The following IKZF2 variants were observed in gnomAD, a reference collection of about 807,000 sequenced individuals.
IKZF2 encodes the protein zinc finger protein Helios.
A neutral mutation model predicts 49.2 loss-of-function variants in IKZF2; 15 were observed. That is an observed-to-expected ratio of 0.30 (90% CI 0.20 to 0.47). The LOEUF is 0.47. Among genes scored for constraint, IKZF2 ranks in the 20% least tolerant of loss-of-function variants. The pLI is 1.00. For missense variants in IKZF2, 567 were observed against 664.6 expected (o/e 0.85, Z 1.61); for synonymous variants, 227 against 221.4 (o/e 1.03, Z -0.23).
intron 8 of IKZF2, among the ~76,000 whole-genome samples, chr2:213,009,678 A>G (rs1351692996): frequency 6.6e-6 from 1 of 152,124 alleles, no homozygotes; most frequent in East Asian, 1.9e-4. Context: ...AAGAACTTAC[A>G]GTTTGGAAGG....
chr2:213,028,795 T>C (rs1451780130), intron 6 of IKZF2, among the ~76,000 whole-genome samples: 1 of 152,118 alleles, frequency 6.6e-6, no homozygotes, highest in Non-Finnish European at 1.5e-5. Context: ...GTCCATATTT[T>C]CTTATTACAC....
At chr2:213,083,306 C>T (rs1037709405) in intron 4 of IKZF2, among the ~76,000 whole-genome samples, 1 of 151,678 alleles carries the variant, frequency 6.6e-6, no homozygotes, top group Admixed American at 6.6e-5. Context: ...TACAGCACTT[C>T]CCATCTCTCA....
intron 4 of IKZF2, among the ~76,000 whole-genome samples, chr2:213,070,410 C>G (rs765636371): frequency 2.0e-5 from 3 of 152,092 alleles, no homozygotes; most frequent in Non-Finnish European, 4.4e-5. Context: ...CATATTAAAA[C>G]TCCTGTTACT....
chr2:213,149,510 A>T (rs538723326), intron 2 of IKZF2, among the ~76,000 whole-genome samples: 4 of 152,300 alleles, frequency 2.6e-5, no homozygotes, highest in Non-Finnish European at 5.9e-5. Context: ...TGGGGAAAAA[A>T]GTTTAAGAAT....
chr2:213,136,733 A>T (rs901934910), intron 4 of IKZF2, among the ~76,000 whole-genome samples: 6 of 152,238 alleles, frequency 3.9e-5, no homozygotes, highest in Non-Finnish European at 8.8e-5. Context: ...AGAATGTAGA[A>T]CTATTTAGAA....
intron 4 of IKZF2, among the ~76,000 whole-genome samples, chr2:213,124,757 C>G (rs1167628946): frequency 6.6e-6 from 1 of 152,146 alleles, no homozygotes; most frequent in Non-Finnish European, 1.5e-5. Context: ...TAGGCTTTGC[C>G]TATGTGTTTC....
intron 4 of IKZF2, among the ~76,000 whole-genome samples, chr2:213,092,154 TCG>T (rs1325414596): frequency 6.6e-6 from 1 of 152,010 alleles, no homozygotes; most frequent in Non-Finnish European, 1.5e-5. Flanking sequence ...GTCTCCTGAG[TCG>T]CTGGAACCAC....
chr2:213,111,539 C>G (rs1574883227), intron 4 of IKZF2, among the ~76,000 whole-genome samples: 1 of 151,974 alleles, frequency 6.6e-6, no homozygotes. Context: ...TTATCTCTAC[C>G]TATCAAATTT....
At chr2:213,039,997 C>G (rs1287422435) in intron 6 of IKZF2, among the ~76,000 whole-genome samples, 1 of 151,884 alleles carries the variant, frequency 6.6e-6, no homozygotes, top group Admixed American at 6.6e-5. Flanking sequence ...TTATAAGAGA[C>G]AATGAATAAA....
intron 4 of IKZF2, among the ~76,000 whole-genome samples, chr2:213,144,242 AT>A (rs1053181913): frequency 5.3e-5 from 8 of 151,928 alleles, no homozygotes; most frequent in African/African-American, 9.7e-5. Context: ...GATAAATAGC[AT>A]TGACTGTACA....
chr2:213,023,382 T>A lies in IKZF2; in HGVS notation c.575-1252A>T, dbSNP rs192883124. On this transcript the variant is annotated intron_variant, in intron 6 of 8. Coordinates refer to ENST00000434687, the MANE Select transcript of IKZF2 (RefSeq NM_001387220.1). ...TAATTGAGGTACACATAAATTAAGA[T>A]CAGTTATTTCATAATCATAATTGTT... 2.5e-4 allele frequency among the ~76,000 whole-genome samples: 38 copies of A among 152,312 alleles called. No homozygotes were observed. In the East Asian group the frequency reaches 6.9e-3, roughly 28 times the overall value.
At chr2:213,150,506 TC>T in intron 1 of IKZF2, 1 of 202,318 alleles carries the variant, frequency 4.9e-6, no homozygotes, top group South Asian at 5.9e-5. Flanking sequence ...CTTCCACCCC[TC>T]CCCCTCGTCC....
At chr2:213,024,600 T>C (rs1244788236) in intron 6 of IKZF2, among the ~76,000 whole-genome samples, 1 of 152,044 alleles carries the variant, frequency 6.6e-6, no homozygotes, top group East Asian at 1.9e-4. Flanking sequence ...GAAGAAAAAG[T>C]AGTCATTATA....
intron 4 of IKZF2, among the ~76,000 whole-genome samples, chr2:213,076,967 T>C (rs1703342987): frequency 6.6e-6 from 1 of 152,160 alleles, no homozygotes; most frequent in African/African-American, 2.4e-5. Flanking sequence ...GACATACAAC[T>C]AATATATAAA....
intron 6 of IKZF2, among the ~76,000 whole-genome samples, chr2:213,043,373 C>T (rs1699851679): frequency 6.6e-6 from 1 of 151,842 alleles, no homozygotes; most frequent in Non-Finnish European, 1.5e-5. Context: ...TTTAAGTCTA[C>T]AATATAGGAA....
chr2:213,134,303 G>A (rs1019299496), intron 4 of IKZF2, among the ~76,000 whole-genome samples: 1 of 152,152 alleles, frequency 6.6e-6, no homozygotes, highest in Non-Finnish European at 1.5e-5. Context: ...GTTCTTTCTG[G>A]CAGCCTTACA....
intron 4 of IKZF2, among the ~76,000 whole-genome samples, chr2:213,135,123 G>T (rs12694297): frequency 0.95 from 144,536 of 152,248 alleles, 68,632 homozygotes; most frequent in East Asian, 0.99. Flanking sequence ...CAACATTCGA[G>T]GGAATTTTAA....
chr2:213,108,629 A>G (rs894294647), intron 4 of IKZF2, among the ~76,000 whole-genome samples: 2 of 152,160 alleles, frequency 1.3e-5, no homozygotes, highest in Non-Finnish European at 2.9e-5. Flanking sequence ...ACTCTTCTGG[A>G]ATAAAATTCC....
At chr2:213,071,325 A>G (rs538442470) in intron 4 of IKZF2, among the ~76,000 whole-genome samples, 64 of 152,302 alleles carry the variant, frequency 4.2e-4, no homozygotes, top group African/African-American at 1.5e-3. Flanking sequence ...AAGCTCATTT[A>G]CTAAGTAATA....
Sources: gnomAD v4.1 joint callset for allele counts (sites outside exome capture counted in the v4.1 genomes callset) on GRCh38, gnomAD v4.1.1 for gene constraint, MANE v1.5 for transcripts, NCBI Gene and HGNC (gene_info 2026-07-23, HGNC 2026-07-21) for gene names.